The following CDK8 variants were observed in gnomAD, a reference collection of about 807,000 sequenced individuals.
The protein encoded by CDK8 is cyclin-dependent kinase 8.
CDK8 carries 29 observed loss-of-function variants against 71.5 expected under a neutral mutation model. The observed-to-expected ratio is 0.41, with a 90% confidence interval of 0.30 to 0.55. CDK8 has a LOEUF of 0.55. Ranked by LOEUF, CDK8 falls within the 20% of genes least tolerant of loss-of-function variation. CDK8 has a pLI of 0.37. For missense variants in CDK8, 288 were observed against 572.6 expected (o/e 0.50, Z 5.07); for synonymous variants, 161 against 192.1 (o/e 0.84, Z 1.34).
intron 4 of CDK8, among the ~76,000 whole-genome samples, chr13:26,368,516 A>G (rs532078026): frequency 7.2e-5 from 11 of 152,220 alleles, no homozygotes; most frequent in Non-Finnish European, 1.0e-4. Flanking sequence ...CCAATTTACT[A>G]TCACACCACG....
intron 1 of CDK8, among the ~76,000 whole-genome samples, chr13:26,330,440 A>G (rs1210497494): frequency 6.6e-6 from 1 of 152,126 alleles, no homozygotes; most frequent in Non-Finnish European, 1.5e-5. Flanking sequence ...CCTGACCTCA[A>G]GTGATCTGCC....
At chr13:26,360,242 G>A (rs1363932955) in intron 4 of CDK8, among the ~76,000 whole-genome samples, 2 of 152,118 alleles carry the variant, frequency 1.3e-5, no homozygotes, top group African/African-American at 4.8e-5. Context: ...GATTGTTTGA[G>A]GCCAGAAGTT....
chr13:26,335,974 CTTG>C (rs2137970703), intron 1 of CDK8, among the ~76,000 whole-genome samples: 1 of 152,168 alleles, frequency 6.6e-6, no homozygotes, highest in Admixed American at 6.5e-5. Context: ...AGGTGCCCTT[CTTG>C]TTGTTCTTGG....
chr13:26,348,202 A>T (rs749796402), intron 2 of CDK8, among the ~76,000 whole-genome samples: 24 of 152,190 alleles, frequency 1.6e-4, no homozygotes, highest in Non-Finnish European at 3.2e-4. Context: ...GGTTCCACTT[A>T]CATGAAATAT....
rs377431247 is a variant in CDK8 at position 26,355,586 on chromosome 13, C to CG, written c.456+1706_456+1707insG. 6.1e-3 allele frequency among the ~76,000 whole-genome samples: 929 copies of CG among 152,260 alleles called. 15 individuals carry two copies. Among genetic ancestry groups the CG allele is most frequent in the African/African-American group, 0.022 (899 of 41,546 alleles). ...CCAAGATCGCGCCACTTCACTCCAG[C>CG]CTGGGCGACAGAGCGAAACTCCATC... is the stretch of plus-strand genomic sequence containing the variant. On this transcript the variant is annotated intron_variant, in intron 4 of 12. Coordinates refer to ENST00000381527, the MANE Select transcript of CDK8 (RefSeq NM_001260.3).
chr13:26,332,253 A>G (rs1872788913), intron 1 of CDK8, among the ~76,000 whole-genome samples: 1 of 152,000 alleles, frequency 6.6e-6, no homozygotes, highest in Non-Finnish European at 1.5e-5. Context: ...TGGGAGGCTG[A>G]GGTGGGTGGA....
chr13:26,365,060 T>A (rs570051331), intron 4 of CDK8, among the ~76,000 whole-genome samples: 6 of 152,278 alleles, frequency 3.9e-5, no homozygotes, highest in Admixed American at 6.5e-5. Context: ...TTATTACTCA[T>A]GACTTGAGAT....
intron 1 of CDK8, among the ~76,000 whole-genome samples, chr13:26,263,990 G>A (rs1357777784): frequency 6.6e-6 from 1 of 151,738 alleles, no homozygotes; most frequent in African/African-American, 2.4e-5. Flanking sequence ...CTCGTGATCC[G>A]CCCACCTGGG....
At chr13:26,295,593 A>G (rs957613877) in intron 1 of CDK8, among the ~76,000 whole-genome samples, 1 of 152,154 alleles carries the variant, frequency 6.6e-6, no homozygotes, top group Non-Finnish European at 1.5e-5. Flanking sequence ...GGCAGGGGTA[A>G]TGAGTAGTCT....
In CDK8 at chr13:26,254,445, C is replaced by A; in HGVS notation, c.-197C>A. Reference sequence around the variant, plus strand: ...TTCCTCCACCCCCGGCCGGCCTCTGCCCCGCCGTCCCCCTGGATGTCCCTG... The same window carrying A: ...TTCCTCCACCCCCGGCCGGCCTCTGACCCGCCGTCCCCCTGGATGTCCCTG... On this transcript the variant is annotated 5_prime_UTR_variant, in exon 1 of 13. Coordinates refer to ENST00000381527, the MANE Select transcript of CDK8 (RefSeq NM_001260.3). The surrounding 1 kb of genome is among the most constrained non-coding windows in gnomAD (Gnocchi z 6.7). 1 of 451,800 alleles carries A rather than the reference C, an allele frequency of 2.2e-6. No individual in the cohort carries two copies. Among genetic ancestry groups the A allele is most frequent in the South Asian group, 2.6e-5 (1 of 39,164 alleles). 28.0% of individuals were successfully genotyped at this position (451,800 alleles called of 1,614,324 possible). A position where few individuals can be genotyped will look rare whatever the true frequency, so the allele number is the denominator to read the frequency against.
At chr13:26,267,544 CT>C (rs1057198412) in intron 1 of CDK8, among the ~76,000 whole-genome samples, 1 of 152,000 alleles carries the variant, frequency 6.6e-6, no homozygotes, top group African/African-American at 2.4e-5. Flanking sequence ...GTACTTTATT[CT>C]TTTTGAGCAG....
At chr13:26,307,655 A>G (rs1168830937) in intron 1 of CDK8, among the ~76,000 whole-genome samples, 1 of 152,180 alleles carries the variant, frequency 6.6e-6, no homozygotes, top group African/African-American at 2.4e-5. Context: ...TAGAAAACTA[A>G]TACACCTTCC....
chr13:26,326,775 C>G (rs1875037622), intron 1 of CDK8, among the ~76,000 whole-genome samples: 1 of 152,174 alleles, frequency 6.6e-6, no homozygotes, highest in Non-Finnish European at 1.5e-5. Context: ...CAAGTGCAGT[C>G]TCTGTCTAAT....
chr13:26,313,507 G>A (rs1055522542), intron 1 of CDK8, among the ~76,000 whole-genome samples: 7 of 152,192 alleles, frequency 4.6e-5, no homozygotes, highest in Admixed American at 4.6e-4. Flanking sequence ...TTGAGGTGCA[G>A]GTGGGACAGT....
intron 1 of CDK8, among the ~76,000 whole-genome samples, chr13:26,335,675 A>G (rs1055385697): frequency 2.0e-5 from 3 of 152,130 alleles, no homozygotes; most frequent in African/African-American, 7.2e-5. Flanking sequence ...GGCAGAAATC[A>G]TTGTCTTTAA....
intron 1 of CDK8, among the ~76,000 whole-genome samples, chr13:26,336,148 C>T (rs1455635044): frequency 6.6e-5 from 10 of 151,936 alleles, no homozygotes; most frequent in Non-Finnish European, 1.5e-4. Context: ...CACACATACA[C>T]ACATACACAC....
At chr13:26,399,227 C>G (rs1194539384) in intron 9 of CDK8, among the ~76,000 whole-genome samples, 2 of 152,094 alleles carry the variant, frequency 1.3e-5, no homozygotes, top group Non-Finnish European at 2.9e-5. Context: ...CCAGGCTGGT[C>G]TCGAACTCCT....
In CDK8 at chr13:26,254,603, G is replaced by GCCCCCCCCCC; in HGVS notation, c.-33_-32insCCCCCCCCCC. On this transcript the variant is annotated 5_prime_UTR_variant, in exon 1 of 13. Coordinates refer to ENST00000381527, the MANE Select transcript of CDK8 (RefSeq NM_001260.3). The surrounding 1 kb of genome is among the most constrained non-coding windows in gnomAD (Gnocchi z 6.7). The stretch of plus-strand genomic sequence containing the variant: ...CCCCGGTCCCCACCCCTGCCCCCCG[G>GCCCCCCCCCC]CCCCCCGACCCAGCTCTCCGGCCTC... 4 of 1,454,168 alleles carry GCCCCCCCCCC rather than the reference G, an allele frequency of 2.8e-6. No individual in the cohort carries two copies. Among genetic ancestry groups the GCCCCCCCCCC allele is most frequent in the Non-Finnish European group, 3.7e-6 (4 of 1,067,016 alleles). 90.1% of individuals were successfully genotyped at this position (1,454,168 alleles called of 1,614,324 possible).
intron 3 of CDK8, among the ~76,000 whole-genome samples, chr13:26,352,469 G>C (rs763327283): frequency 5.3e-4 from 81 of 152,274 alleles, no homozygotes; most frequent in Non-Finnish European, 8.8e-4. Context: ...ACCCGCCTCA[G>C]CCTCCCAAAG....
Sources: allele counts gnomAD v4.1 joint callset (sites outside exome capture counted in the v4.1 genomes callset), GRCh38; gene constraint gnomAD v4.1.1; non-coding constraint Gnocchi (gnomAD v3.1); transcripts MANE v1.5; gene names NCBI Gene and HGNC (gene_info 2026-07-23, HGNC 2026-07-21).